AFF1: variants seen among roughly 807,000 people sequenced by gnomAD.
AFF1 encodes the protein AF4/FMR2 family member 1.
In AFF1, 48 loss-of-function variants were observed where a neutral mutation model predicts 121.7. That is an observed-to-expected ratio of 0.39 (90% CI 0.31 to 0.50). The LOEUF (loss-of-function observed/expected upper bound fraction) is 0.50. Ranked by LOEUF, AFF1 falls within the 20% of genes least tolerant of loss-of-function variation. The pLI is 0.76. For synonymous variants in AFF1, 613 were observed against 563.0 expected, an observed-to-expected ratio of 1.09 and a Z score of -1.26; for missense variants, 1,523 against 1,511.7, an observed-to-expected ratio of 1.01 and a Z score of -0.12.
chr4:87,033,685 TTTC>T (rs1387263329), intron 2 of AFF1, among the ~76,000 whole-genome samples: 4 of 152,226 alleles, frequency 2.6e-5, no homozygotes, highest in Non-Finnish European at 5.9e-5. Context: ...GTTTCAGCAG[TTTC>T]TTCTTGAGGC....
intron 2 of AFF1, among the ~76,000 whole-genome samples, chr4:87,042,478 T>A (rs1730258451): frequency 6.6e-6 from 1 of 152,094 alleles, no homozygotes; most frequent in Admixed American, 6.5e-5. Flanking sequence ...CAAGAGGGAG[T>A]TGTTGGACAG....
At position 87,114,235 on chromosome 4, in the gene AFF1, C is replaced by G. The variant is rs1418994268; in HGVS notation, c.1534-132C>G. The stretch of plus-strand genomic sequence containing the variant: ...GAACTTATAACTTGAGGAGGATGAC[C>G]GGAACCTAAATTCTGGGTTTGGAAG... On this transcript the variant is annotated intron_variant, in intron 11 of 20. Transcript: ENST00000395146. 1.7e-5 allele frequency: 12 copies of G among 719,332 alleles called. No individual in the cohort carries two copies. In the South Asian group the frequency reaches 2.8e-4, roughly 17 times the overall value. 44.6% of individuals were successfully genotyped at this position (719,332 alleles called of 1,614,324 possible).
In AFF1 at chr4:87,055,548, T is replaced by C. The variant is rs779548102; in HGVS notation, c.1059+7954T>C. 6.6e-5 allele frequency among the ~76,000 whole-genome samples: 10 copies of C among 152,312 alleles called. No homozygotes were observed. The East Asian group carries it at 9.7e-4, about 15-fold the overall frequency. On this transcript the variant is annotated intron_variant, in intron 4 of 20. Coordinates refer to ENST00000395146, the MANE Select transcript of AFF1 (RefSeq NM_001166693.3). Reference sequence around the variant, plus strand: ...CTCCAGTTGTGCCTTTGCCAAGATATAGACATTCAACTCTTTTGAATCTTC... The same window carrying C: ...CTCCAGTTGTGCCTTTGCCAAGATACAGACATTCAACTCTTTTGAATCTTC...
At chr4:86,988,903 T>C (rs758461594) in intron 2 of AFF1, among the ~76,000 whole-genome samples, 5 of 152,148 alleles carry the variant, frequency 3.3e-5, no homozygotes, top group Non-Finnish European at 5.9e-5. Context: ...AACCATCTTA[T>C]CTTTGACAAA....
At chr4:86,980,799 G>T (rs1159365326) in intron 2 of AFF1, among the ~76,000 whole-genome samples, 1 of 152,126 alleles carries the variant, frequency 6.6e-6, no homozygotes, top group East Asian at 1.9e-4. Flanking sequence ...TTGCTTTGTG[G>T]CTTACTTTGG....
intron 2 of AFF1, among the ~76,000 whole-genome samples, chr4:87,016,532 A>G (rs1202449653): frequency 1.3e-5 from 2 of 151,570 alleles, no homozygotes; most frequent in Non-Finnish European, 2.9e-5. Context: ...AGCCTGGGTG[A>G]CAGAGTCAGA....
intron 2 of AFF1, among the ~76,000 whole-genome samples, chr4:87,009,180 C>G (rs1025949829): frequency 2.5e-4 from 38 of 152,360 alleles, no homozygotes; most frequent in African/African-American, 8.9e-4. Flanking sequence ...AGCTCTGACT[C>G]TTCTCAGGCA....
intron 11 of AFF1, among the ~76,000 whole-genome samples, chr4:87,112,435 C>T (rs1201229262): frequency 6.6e-6 from 1 of 152,006 alleles, no homozygotes; most frequent in Non-Finnish European, 1.5e-5. Context: ...ATGGGGTAAA[C>T]AGAAAGAAAA....
intron 1 of AFF1, among the ~76,000 whole-genome samples, chr4:86,944,577 C>T (rs1266043259): frequency 6.6e-6 from 1 of 152,086 alleles, no homozygotes; most frequent in African/African-American, 2.4e-5. Context: ...ATTTCCTGAC[C>T]TCGTGATTTG....
At chr4:86,983,420 G>C (rs1723933935) in intron 2 of AFF1, among the ~76,000 whole-genome samples, 1 of 152,134 alleles carries the variant, frequency 6.6e-6, no homozygotes, top group Non-Finnish European at 1.5e-5. Context: ...CAGCTACTCA[G>C]GAGGCTGAGG....
At chr4:87,070,893 T>C (rs1454559028) in intron 4 of AFF1, among the ~76,000 whole-genome samples, 1 of 152,222 alleles carries the variant, frequency 6.6e-6, no homozygotes, top group African/African-American at 2.4e-5. Context: ...GCGAGGACGA[T>C]AGTGTTTCCA....
At chr4:86,955,235 T>C (rs1412494326) in intron 2 of AFF1, among the ~76,000 whole-genome samples, 6 of 152,148 alleles carry the variant, frequency 3.9e-5, no homozygotes, top group Non-Finnish European at 1.5e-5. Context: ...AGAAGGAAAA[T>C]CGTGTCTAGG....
rs1046425181 is a variant in AFF1 at position 87,006,878 on chromosome 4, T to G, written c.39-39288T>G. On this transcript the variant is annotated intron_variant, in intron 2 of 20. Transcript: ENST00000395146. ...CTGCCTGCCGCTTGCCGCCTGCCTT[T>G]GGCTAGGGCCGCCGAGCGCCCTGCC... 37 of 862,472 alleles carry G rather than the reference T, an allele frequency of 4.3e-5. 1 individual carries two copies. The East Asian group carries it at 1.8e-3, about 43-fold the overall frequency. The allele number at this position is 862,472 out of a possible 1,614,324, so 53.4% of individuals were successfully genotyped here. A position where few individuals can be genotyped will look rare whatever the true frequency, so the allele number is the denominator to read the frequency against.
At chr4:87,117,233 T>TC (rs1560645158) in intron 12 of AFF1, among the ~76,000 whole-genome samples, 1 of 152,228 alleles carries the variant, frequency 6.6e-6, no homozygotes, top group Non-Finnish European at 1.5e-5. Context: ...TATAAGCCGT[T>TC]CCCAGGTTTT....
At chr4:87,113,526 C>T (rs749116239) in intron 11 of AFF1, among the ~76,000 whole-genome samples, 32 of 152,140 alleles carry the variant, frequency 2.1e-4, no homozygotes, top group Non-Finnish European at 3.7e-4. Flanking sequence ...CTGTCTTGGC[C>T]TCCCAAAGCT....
chr4:87,039,600 C>T (rs1283053872), intron 2 of AFF1, among the ~76,000 whole-genome samples: 2 of 152,140 alleles, frequency 1.3e-5, no homozygotes, highest in Admixed American at 1.3e-4. Flanking sequence ...GACACTGAAG[C>T]CTGTGGTTCT....
At chr4:87,105,410 T>G (rs1457485282) in intron 8 of AFF1, among the ~76,000 whole-genome samples, 1 of 152,236 alleles carries the variant, frequency 6.6e-6, no homozygotes, top group Non-Finnish European at 1.5e-5. Flanking sequence ...TTAACTGGTT[T>G]CTGTGTTATA....
At position 87,127,095 on chromosome 4, in the gene AFF1, A is replaced by G. The variant is rs1300385308; in HGVS notation, c.2881A>G (p.Lys961Glu). 1 of 1,612,862 alleles carries G rather than the reference A, an allele frequency of 6.2e-7. No individual in the cohort carries two copies. Among genetic ancestry groups the G allele is most frequent in the Non-Finnish European group, 8.5e-7 (1 of 1,179,606 alleles). ...SLPNGNSKPG[K>E]PQVKFDKQQA... ...GCCAAATGGTAACTCTAAACCAGGGAAGCCTCAAGTGAAGTTTGACAAGTA... is the reference window on the plus strand; with the variant it reads ...GCCAAATGGTAACTCTAAACCAGGGGAGCCTCAAGTGAAGTTTGACAAGTA... The change falls in exon 15 of 21, where the codon AAG (lysine) becomes GAG (glutamate). Residue 961 changes from lysine (K) to glutamate (E), a missense_variant. Physicochemically the swap from Lys to Glu is moderately conservative, Grantham distance 56. Around this residue, in one of 5 missense-constraint regions of AFF1, gnomAD observed 905 missense variants for 842.5 expected, o/e 1.07. Coordinates refer to ENST00000395146, the MANE Select transcript of AFF1 (RefSeq NM_001166693.3).
chr4:87,139,990 G>T lies in AFF1; in HGVS notation c.*4289G>T, dbSNP rs2149814481. 4.8e-6 allele frequency: 1 copy of T among 209,064 alleles called. No homozygotes were observed. The highest frequency in any genetic ancestry group is 5.9e-5 in the Admixed American group (1 of 16,948). 13.0% of individuals were successfully genotyped at this position (209,064 alleles called of 1,614,324 possible). ...TCAGGAGGAAATGACATTATATTCT[G>T]TTCCACTGAACGTCAGAGATCAGCA... On this transcript the variant is annotated 3_prime_UTR_variant, in exon 21 of 21. Transcript: ENST00000395146.
Sources: gnomAD v4.1 joint callset for allele counts (sites outside exome capture counted in the v4.1 genomes callset) on GRCh38, gnomAD v4.1.1 for gene constraint, gnomAD v4.1.1 regional missense constraint, MANE v1.5 for transcripts, NCBI Gene and HGNC (gene_info 2026-07-23, HGNC 2026-07-21) for gene names.